TASP1: variants seen among roughly 807,000 people sequenced by gnomAD.
TASP1 encodes taspase 1.
In TASP1, 16 loss-of-function variants were observed where a neutral mutation model predicts 56.6. The observed-to-expected ratio is 0.28, with a 90% CI of 0.19 to 0.43. The LOEUF (loss-of-function observed/expected upper bound fraction) is 0.43. TASP1 is among the 20% of genes least tolerant of loss of function. TASP1 has a pLI of 1.00. For synonymous variants in TASP1, 179 were observed against 184.2 expected (o/e 0.97, Z 0.23); for missense variants, 393 against 511.6 (o/e 0.77, Z 2.24).
At chr20:13,626,507 TC>T (rs1485184247) in intron 2 of TASP1, among the ~76,000 whole-genome samples, 26 of 152,294 alleles carry the variant, frequency 1.7e-4, no homozygotes, top group African/African-American at 6.0e-4. Context: ...GCCTTAGGAT[TC>T]CTACAGGTCT....
the TASP1 span, among the ~76,000 whole-genome samples, chr20:13,250,801 T>C: frequency 6.6e-6 from 1 of 152,222 alleles, no homozygotes; most frequent in Non-Finnish European, 1.5e-5. Flanking sequence ...GCAGCTCATC[T>C]GCCCACACAC....
chr20:13,230,747 A>G, the TASP1 span, among the ~76,000 whole-genome samples: 5 of 149,364 alleles, frequency 3.3e-5, no homozygotes, highest in African/African-American at 7.3e-5. Flanking sequence ...TGTGTTGTAG[A>G]AAAAAAAAGA....
chr20:13,151,119 C>T, the TASP1 span, among the ~76,000 whole-genome samples: 1 of 152,172 alleles, frequency 6.6e-6, no homozygotes, highest in Non-Finnish European at 1.5e-5. Flanking sequence ...GCCCACCTCT[C>T]TTCTTTATAG....
chr20:13,354,095 C>A, the TASP1 span, among the ~76,000 whole-genome samples: 1 of 152,090 alleles, frequency 6.6e-6, no homozygotes, highest in East Asian at 1.9e-4. Context: ...AAAAGGATAG[C>A]TCATTTTTTT....
chr20:13,124,106 A>T, the TASP1 span, among the ~76,000 whole-genome samples: 1 of 152,194 alleles, frequency 6.6e-6, no homozygotes, highest in Admixed American at 6.5e-5. Flanking sequence ...CTCTTCAGAT[A>T]TGGGGAAAAC....
intron 8 of TASP1, among the ~76,000 whole-genome samples, chr20:13,542,045 CAA>C (rs374309655): frequency 2.5e-4 from 17 of 66,670 alleles, no homozygotes; most frequent in Middle Eastern, 0.012. Context: ...ACTCCGTCTC[CAA>C]AAAAAAAAAA....
chr20:13,294,948 C>T, the TASP1 span, among the ~76,000 whole-genome samples: 1 of 152,140 alleles, frequency 6.6e-6, no homozygotes, highest in South Asian at 2.1e-4. Context: ...GTTTAGCATG[C>T]GATCCCACAC....
chr20:13,151,064 T>C, the TASP1 span, among the ~76,000 whole-genome samples: 1 of 152,206 alleles, frequency 6.6e-6, no homozygotes, highest in Admixed American at 6.5e-5. Context: ...AGCTCTTCTG[T>C]TTTTATATCT....
At chr20:13,294,487 G>T in the TASP1 span, among the ~76,000 whole-genome samples, 30 of 152,166 alleles carry the variant, frequency 2.0e-4, no homozygotes, top group African/African-American at 7.0e-4. Flanking sequence ...CACCCCACAG[G>T]CAGGCAGCAT....
chr20:13,575,053 T>A (rs2046849111), intron 6 of TASP1, among the ~76,000 whole-genome samples: 1 of 152,134 alleles, frequency 6.6e-6, no homozygotes, highest in Non-Finnish European at 1.5e-5. Context: ...TAAACATATA[T>A]GTAAAAATTC....
At chr20:13,482,647 T>A (rs1426510649) in intron 11 of TASP1, among the ~76,000 whole-genome samples, 3 of 152,208 alleles carry the variant, frequency 2.0e-5, no homozygotes, top group Non-Finnish European at 4.4e-5. Flanking sequence ...GATGAGCATC[T>A]AGTTTTCTAC....
chr20:13,176,947 G>A, the TASP1 span, among the ~76,000 whole-genome samples: 2 of 152,094 alleles, frequency 1.3e-5, no homozygotes, highest in Admixed American at 6.6e-5. Flanking sequence ...AAACAATGAT[G>A]AGAGAAATTG....
At chr20:13,110,432 C>G in the TASP1 span, among the ~76,000 whole-genome samples, 4 of 152,122 alleles carry the variant, frequency 2.6e-5, no homozygotes, top group Non-Finnish European at 5.9e-5. Context: ...GGAGGCTGGC[C>G]GGCTTGTGAA....
At chr20:13,395,424 T>G (rs938777006) in intron 13 of TASP1, among the ~76,000 whole-genome samples, 1 of 152,198 alleles carries the variant, frequency 6.6e-6, no homozygotes, top group Non-Finnish European at 1.5e-5. Flanking sequence ...TTCTTACTTA[T>G]TTTTCAAATT....
At chr20:13,375,518 G>C in the TASP1 span, among the ~76,000 whole-genome samples, 1 of 152,022 alleles carries the variant, frequency 6.6e-6, no homozygotes, top group Non-Finnish European at 1.5e-5. Context: ...AGTCTTTGCT[G>C]TTGTGAATAG....
chr20:13,341,060 A>T, the TASP1 span, among the ~76,000 whole-genome samples: 1 of 152,182 alleles, frequency 6.6e-6, no homozygotes, highest in Non-Finnish European at 1.5e-5. Flanking sequence ...AGCTTGGGGA[A>T]TGAGTAAACA....
chr20:13,326,581 T>C, the TASP1 span, among the ~76,000 whole-genome samples: 1 of 152,146 alleles, frequency 6.6e-6, no homozygotes, highest in African/African-American at 2.4e-5. Context: ...TATCTCAACA[T>C]GTTGTTAGTT....
rs546419566 is a variant in TASP1, at chr20:13,469,792, C to CTTTTTTTTTTTTTTTTTTTTTTTTT, written c.985+13410_985+13434dup. Among the ~76,000 whole-genome samples the CTTTTTTTTTTTTTTTTTTTTTTTTT allele has an allele frequency of 1.8e-4, 7 of 39,546 alleles. 1 individual carries two copies. The highest frequency in any genetic ancestry group is 2.3e-4 in the Non-Finnish European group (5 of 21,466). 25.9% of individuals were successfully genotyped at this position (39,546 alleles called of 152,430 possible). On this transcript the variant is annotated intron_variant, in intron 11 of 13. Coordinates refer to ENST00000337743, the MANE Select transcript of TASP1 (RefSeq NM_017714.3). ...ACAGTTGTCCAGGTCAATAAATGTC[C>CTTTTTTTTTTTTTTTTTTTTTTTTT]TTTTTTTTTTTTTTTTTTTTTTTTT...
intron 10 of TASP1, among the ~76,000 whole-genome samples, chr20:13,504,553 T>G (rs1231619429): frequency 1.3e-5 from 2 of 152,088 alleles, no homozygotes; most frequent in Non-Finnish European, 2.9e-5. Context: ...GGAAAGGACA[T>G]AGTCAAGTTT....
Sources: allele counts gnomAD v4.1 joint callset (sites outside exome capture counted in the v4.1 genomes callset), GRCh38; gene constraint gnomAD v4.1.1; transcripts MANE v1.5; gene names NCBI Gene and HGNC (gene_info 2026-07-23, HGNC 2026-07-21).